The following DYSF variants were observed in gnomAD, a reference collection of about 807,000 sequenced individuals.
DYSF encodes the protein dysferlin.
DYSF carries 212 observed loss-of-function variants against 274.9 expected under a neutral mutation model. The ratio of observed to expected loss-of-function variants is 0.77; its 90% confidence interval spans 0.69 to 0.86. The LOEUF (loss-of-function observed/expected upper bound fraction) is 0.86. Among genes scored for constraint, DYSF ranks in the 40% least tolerant of loss-of-function variants. The pLI is 0.00. For missense variants in DYSF, 2,666 were observed against 2,783.2 expected (o/e 0.96, Z 0.95); for synonymous variants, 1,091 against 1,078.7 (o/e 1.01, Z -0.22).
intron 39 of DYSF, 89 bp from the exon 40 acceptor site, chr2:71,613,245 C>G (rs918964025): frequency 2.5e-6 from 3 of 1,179,370 alleles, no homozygotes; most frequent in East Asian, 2.5e-5. Flanking sequence ...AGGGTCTTGT[C>G]TTGGTCCCTT....
At chr2:71,581,301 G>GT (rs1188737499) in intron 30 of DYSF, among the ~76,000 whole-genome samples, 2 of 152,212 alleles carry the variant, frequency 1.3e-5, no homozygotes, top group East Asian at 3.9e-4. Flanking sequence ...CCAGCCAGTA[G>GT]TTTTGCAAGG....
chr2:71,618,456 T>TGTGTGTGGTAGAGGTGGGGG (rs772644653), intron 40 of DYSF, among the ~76,000 whole-genome samples: 7 of 77,038 alleles, frequency 9.1e-5, no homozygotes, highest in African/African-American at 2.7e-4. Context: ...AGAGGTGGGG[T>TGTGTGTGGTAGAGGTGGGGG]TGTGTGTGTG....
chr2:71,491,909 G>A (rs918322403), intron 3 of DYSF, among the ~76,000 whole-genome samples: 3 of 152,164 alleles, frequency 2.0e-5, no homozygotes, highest in Non-Finnish European at 4.4e-5. Flanking sequence ...GCAGAGTGGC[G>A]GTTTGCTGTG....
At chr2:71,524,718 C>T (rs187414848) in intron 12 of DYSF, among the ~76,000 whole-genome samples, 27 of 152,380 alleles carry the variant, frequency 1.8e-4, no homozygotes, top group Non-Finnish European at 2.9e-4. Flanking sequence ...CTGCCGACTT[C>T]CCCATGTGCA....
At chr2:71,644,161 T>C in intron 42 of DYSF, 98 bp downstream of exon 42, 1 of 1,054,820 alleles carries the variant, frequency 9.5e-7, no homozygotes, top group Non-Finnish European at 1.4e-6. Context: ...TGTATTTGCA[T>C]TTGTCTCCTC....
chr2:71,546,590 C>A (rs573598543), intron 17 of DYSF, among the ~76,000 whole-genome samples: 5 of 152,210 alleles, frequency 3.3e-5, no homozygotes, highest in African/African-American at 1.2e-4. Flanking sequence ...AGCTGCAGGT[C>A]TTTTGAGAGG....
chr2:71,458,376 A>G (rs780856631), intron 1 of DYSF, among the ~76,000 whole-genome samples: 3 of 152,164 alleles, frequency 2.0e-5, no homozygotes, highest in African/African-American at 4.8e-5. Context: ...GGTGAATTCT[A>G]TCCTCAGCTT....
intron 17 of DYSF, among the ~76,000 whole-genome samples, chr2:71,547,483 A>C (rs114892815): frequency 0.015 from 2,332 of 152,266 alleles, 35 homozygotes; most frequent in Non-Finnish European, 0.02. Context: ...CCCCATCTCC[A>C]CTAAAAATAC....
chr2:71,683,366 G>C (rs1177120948), intron 55 of DYSF, among the ~76,000 whole-genome samples: 1 of 152,184 alleles, frequency 6.6e-6, no homozygotes, highest in Non-Finnish European at 1.5e-5. Flanking sequence ...GGGGGAGGAA[G>C]GTCCCTGCCT....
At chr2:71,612,158 T>A (rs1395433698) in intron 38 of DYSF, among the ~76,000 whole-genome samples, 1 of 152,216 alleles carries the variant, frequency 6.6e-6, no homozygotes, top group Non-Finnish European at 1.5e-5. Context: ...GCCCAGTGGC[T>A]GTCAACAGAA....
At chr2:71,550,062 C>T (rs142212946) in intron 17 of DYSF, among the ~76,000 whole-genome samples, 72 of 152,350 alleles carry the variant, frequency 4.7e-4, no homozygotes, top group African/African-American at 1.5e-3. Context: ...CTAGCTCAAA[C>T]GCTTCTTTGC....
Position 71,514,265 on chromosome 2 carries a change from T to C in DYSF, c.759+344T>C, listed in dbSNP as rs1417392852. ...ATCCAACCAGCAAGCTCCTGGCTAT[T>C]CAGGTGTGGTCTGTGTCCAGCACCT... On this transcript the variant is annotated intron_variant, in intron 7 of 55. Coordinates refer to ENST00000410020, the MANE Select transcript of DYSF (RefSeq NM_001130987.2). 3.3e-5 allele frequency among the ~76,000 whole-genome samples: 5 copies of C among 152,170 alleles called. No homozygotes were observed. The East Asian group carries it at 9.6e-4, about 29-fold the overall frequency.
chr2:71,681,620 T>C (rs755711780), intron 54 of DYSF, among the ~76,000 whole-genome samples: 2 of 152,172 alleles, frequency 1.3e-5, no homozygotes, highest in Non-Finnish European at 2.9e-5. Context: ...CATTTTTCCA[T>C]CTGTGAAATG....
At chr2:71,464,605 A>C (rs1036506155), upstream of DYSF, among the ~76,000 whole-genome samples, 1 of 152,082 alleles carries the variant, frequency 6.6e-6, no homozygotes, top group Non-Finnish European at 1.5e-5. Flanking sequence ...GGGAGGTCAG[A>C]GAGGTCAGCC....
chr2:71,599,776 C>T (rs1262828942), intron 33 of DYSF, among the ~76,000 whole-genome samples: 3 of 152,208 alleles, frequency 2.0e-5, no homozygotes, highest in Admixed American at 1.3e-4. Flanking sequence ...CCTGACCAGA[C>T]ATCAGGTTCC....
rs927520396 is a variant in DYSF at position 71,491,721 on chromosome 2, T to G, written c.239+9751T>G. On this transcript the variant is annotated intron_variant, in intron 3 of 55. Coordinates refer to ENST00000410020, the MANE Select transcript of DYSF (RefSeq NM_001130987.2). ...GGATTATGGCCTCCAGCTCCATCCA[T>G]GTTCCTGCAAAGGACATGATCTCAT... Among the ~76,000 whole-genome samples the G allele has an allele frequency of 7.2e-5, 11 of 152,370 alleles. No individual in the cohort carries two copies. The East Asian group carries it at 2.1e-3, about 29-fold the overall frequency.
At chr2:71,636,285 C>T (rs74939334) in intron 41 of DYSF, among the ~76,000 whole-genome samples, 3,540 of 152,162 alleles carry the variant, frequency 0.023, 139 homozygotes, top group African/African-American at 0.081. Context: ...GGGTTGAGCA[C>T]GGATTCAGGG....
chr2:71,596,510 C>T (rs1159723102), intron 32 of DYSF, among the ~76,000 whole-genome samples: 3 of 152,310 alleles, frequency 2.0e-5, no homozygotes, highest in Non-Finnish European at 2.9e-5. Flanking sequence ...CTCTGCCGAG[C>T]TTGGAGCTGA....
intron 30 of DYSF, among the ~76,000 whole-genome samples, chr2:71,584,102 G>A (rs1452639929): frequency 6.6e-6 from 1 of 151,960 alleles, no homozygotes; most frequent in Non-Finnish European, 1.5e-5. Context: ...GGTGGCATGA[G>A]CTATCAAGGC....
Sources: allele counts gnomAD v4.1 joint callset (sites outside exome capture counted in the v4.1 genomes callset), GRCh38; gene constraint gnomAD v4.1.1; transcripts MANE v1.5; gene names NCBI Gene and HGNC (gene_info 2026-07-23, HGNC 2026-07-21).